Variants in TTC3 observed in about 807,000 individuals in gnomAD.
The protein encoded by TTC3 is tetratricopeptide repeat domain 3.
TTC3 carries 180 observed loss-of-function variants against 249.6 expected under a neutral mutation model. The ratio of observed to expected loss-of-function variants is 0.72; its 90% CI spans 0.64 to 0.82. TTC3 has a LOEUF of 0.82. Among genes scored for constraint, TTC3 ranks in the 40% least tolerant of loss-of-function variants. TTC3 has a pLI of 0.00. For synonymous variants in TTC3, 717 were observed against 805.0 expected (o/e 0.89, Z 1.85); for missense variants, 2,061 against 2,398.4 (o/e 0.86, Z 2.94).
chr21:37,079,808 A>G (rs2071391288), intron 1 of TTC3, among the ~76,000 whole-genome samples: 2 of 152,046 alleles, frequency 1.3e-5, no homozygotes, highest in Admixed American at 1.3e-4. Context: ...TGCTAGGATT[A>G]CAGGTGTGAG....
chr21:37,200,267 G>C, exon 45 of TTC3: 1 of 1,614,170 alleles, frequency 6.2e-7, no homozygotes, highest in Non-Finnish European at 8.5e-7. Context: ...TATGCCACGA[G>C]GTGTTCAAAT....
chr21:37,083,316 A>G (rs1368876879), intron 1 of TTC3: 15 of 985,304 alleles, frequency 1.5e-5, no homozygotes, highest in Non-Finnish European at 1.8e-5. Flanking sequence ...TTCTATGCTT[A>G]TATTAGGGAA....
At chr21:37,149,167 A>T (rs185394251) in intron 23 of TTC3, among the ~76,000 whole-genome samples, 81 of 152,334 alleles carry the variant, frequency 5.3e-4, no homozygotes, top group Admixed American at 3.3e-4. Flanking sequence ...GATGTTAATT[A>T]CCATTAAGTA....
At position 37,147,712 on chromosome 21, in the gene TTC3, C is replaced by T. The variant is rs190530049; in HGVS notation, c.2016+109C>T. On this transcript the variant is annotated intron_variant, in intron 22 of 45. Transcript: ENST00000355666. ...CCAAGTTCTCTGGCTAGTTAGCAGT[C>T]GTCCACCCCTTTCCCAGGATTTTTT... 1.9e-4 allele frequency: 247 copies of T among 1,282,782 alleles called. No individual in the cohort carries two copies. In the East Asian group the frequency reaches 4.0e-3, roughly 21 times the overall value. The allele number at this position is 1,282,782 out of a possible 1,614,324, so 79.5% of individuals were successfully genotyped here.
chr21:37,083,332 A>G, intron 1 of TTC3: 1 of 985,464 alleles, frequency 1.0e-6, no homozygotes, highest in Non-Finnish European at 1.2e-6. Flanking sequence ...GGGAAGTTGG[A>G]CTTTATTCTC....
At chr21:37,143,118 T>C (rs140801006) in intron 20 of TTC3, among the ~76,000 whole-genome samples, 2,063 of 152,338 alleles carry the variant, frequency 0.014, 25 homozygotes, top group Non-Finnish European at 0.022. Context: ...AAGACTTCAA[T>C]GTTTGACCTA....
At chr21:37,162,003 G>A (rs1286970099) in exon 31 of TTC3, 4 of 1,588,284 alleles carry the variant, frequency 2.5e-6, no homozygotes, top group Non-Finnish European at 2.6e-6. Context: ...ATGTTAGTTG[G>A]GTCTGGAACA....
intron 29 of TTC3, among the ~76,000 whole-genome samples, 178 bp downstream of exon 29, chr21:37,159,923 G>A (rs113958316): frequency 2.1e-4 from 32 of 152,262 alleles, no homozygotes; most frequent in African/African-American, 6.5e-4. Flanking sequence ...TTTTCCTCTC[G>A]GAATTGGAGC....
intron 20 of TTC3, among the ~76,000 whole-genome samples, chr21:37,141,309 A>T (rs866689737): frequency 4.3e-4 from 66 of 152,254 alleles, no homozygotes; most frequent in African/African-American, 1.6e-3. Flanking sequence ...ATGTTAGATT[A>T]TAAAGAAATA....
Position 37,195,664 on chromosome 21 carries a change from G to A in TTC3, c.5218-11G>A, listed in dbSNP as rs1380373841. On this transcript the variant is annotated splice_polypyrimidine_tract_variant and intron_variant, in intron 41 of 45. Coordinates refer to ENST00000355666, the Ensembl canonical transcript of TTC3. ...CCCTAAGTGATCCATGGTGTGGTGT[G>A]TTCCTCACAGGTTCATCCCGAGTTA... 1.3e-6 allele frequency: 2 copies of A among 1,592,612 alleles called. No individual in the cohort carries two copies. The highest frequency in any genetic ancestry group is 1.7e-6 in the Non-Finnish European group (2 of 1,168,822).
At chr21:37,077,401 G>C (rs541465472) in intron 1 of TTC3, among the ~76,000 whole-genome samples, 6 of 152,126 alleles carry the variant, frequency 3.9e-5, no homozygotes, top group Non-Finnish European at 8.8e-5. Context: ...AAATACTGCC[G>C]TATCACTATA....
intron 41 of TTC3, among the ~76,000 whole-genome samples, chr21:37,193,189 G>A (rs970887358): frequency 2.3e-4 from 35 of 151,492 alleles, no homozygotes; most frequent in African/African-American, 8.3e-4. Flanking sequence ...TCCTAGCCTG[G>A]AGCACTGTCC....
chr21:37,088,797 AG>A lies in TTC3; in HGVS notation c.339-1del. 1 of 1,610,330 alleles carries A rather than the reference AG, an allele frequency of 6.2e-7. No individual in the cohort carries two copies. On this transcript the variant is annotated splice_acceptor_variant, in intron 4 of 45. Transcript: ENST00000355666. LOFTEE classifies it high-confidence loss of function. The stretch of plus-strand genomic sequence containing the variant: ...CTTTTAAAAAATAAATTTGTCTTTA[AG>A]CAATTCACGTGCTTCTGAGATAAAT...
chr21:37,174,194 G>C (rs947567929), intron 35 of TTC3, among the ~76,000 whole-genome samples: 1 of 152,108 alleles, frequency 6.6e-6, no homozygotes, highest in African/African-American at 2.4e-5. Context: ...GAAGAGTCTC[G>C]GAAATAAAGC....
At chr21:37,124,363 T>TGTAATTCCA (rs1165719241) in intron 13 of TTC3, among the ~76,000 whole-genome samples, 1 of 151,912 alleles carries the variant, frequency 6.6e-6, no homozygotes, top group Non-Finnish European at 1.5e-5. Context: ...CTGATCCACC[T>TGTAATTCCA]GCCCTGGGCT....
At chr21:37,090,436 C>A in intron 6 of TTC3, 150 bp downstream of exon 6, 1 of 970,336 alleles carries the variant, frequency 1.0e-6, no homozygotes, top group Non-Finnish European at 1.4e-6. Flanking sequence ...TAAGGAGACT[C>A]CTCATTTTGG....
exon 24 of TTC3, chr21:37,150,102 A>C (rs140831306): frequency 1.9e-5 from 30 of 1,610,592 alleles, no homozygotes; most frequent in South Asian, 3.3e-5. Flanking sequence ...AATATGTCTT[A>C]CCCCTGACTG....
At position 37,155,573 on chromosome 21, in the gene TTC3, A is replaced by C. The variant is rs147364028; in HGVS notation, c.2741-1082A>C. ...ATCCAGAAGCAAGCAGTCTAGGATA[A>C]TTTTGACTCTGAGCAATCTCTGCTT... is the stretch of plus-strand genomic sequence containing the variant. On this transcript the variant is annotated intron_variant, in intron 27 of 45. Coordinates refer to ENST00000355666, the Ensembl canonical transcript of TTC3. 6.0e-4 allele frequency among the ~76,000 whole-genome samples: 92 copies of C among 152,322 alleles called. No individual in the cohort carries two copies. The East Asian group carries it at 0.017, about 29-fold the overall frequency.
chr21:37,162,160 C>G (rs2080821198), intron 31 of TTC3, 97 bp downstream of exon 31: 4 of 697,014 alleles, frequency 5.7e-6, no homozygotes, highest in Non-Finnish European at 8.9e-6. Context: ...TGTTTTATTT[C>G]CCTAACTTTC....
Sources: gnomAD v4.1 joint callset for allele counts (sites outside exome capture counted in the v4.1 genomes callset) on GRCh38, gnomAD v4.1.1 for gene constraint, MANE v1.5 for transcripts, NCBI Gene and HGNC (gene_info 2026-07-23, HGNC 2026-07-21) for gene names.